Variants in LHFPL3 observed in about 807,000 individuals in gnomAD.
LHFPL3 encodes the protein LHFPL tetraspan subfamily member 3 protein.
Under a neutral mutation model 19.3 loss-of-function variants are expected in LHFPL3, and 5 were observed. The ratio of observed to expected loss-of-function variants is 0.26; its 90% CI spans 0.14 to 0.54. The LOEUF is 0.54. Ranked by LOEUF, LHFPL3 falls within the 20% of genes least tolerant of loss-of-function variation. The probability of loss-of-function intolerance (pLI) is 0.94; values close to 1 mark genes in which losing one functional copy is unlikely to be tolerated. For synonymous variants in LHFPL3, 133 were observed against 126.2 expected, an observed-to-expected ratio of 1.05 and a Z score of -0.36; for missense variants, 249 against 307.4, an observed-to-expected ratio of 0.81 and a Z score of 1.42.
At chr7:104,462,161 C>T (rs1051863365) in intron 1 of LHFPL3, among the ~76,000 whole-genome samples, 1 of 152,242 alleles carries the variant, frequency 6.6e-6, no homozygotes, top group South Asian at 2.1e-4. Context: ...ATGGGGTTTT[C>T]TACATATAGA....
intron 1 of LHFPL3, among the ~76,000 whole-genome samples, chr7:104,490,733 T>C (rs1373515368): frequency 1.3e-5 from 2 of 152,200 alleles, no homozygotes; most frequent in African/African-American, 4.8e-5. Context: ...ATTTTAACTA[T>C]CTTGCCAAAA....
Position 104,468,200 on chromosome 7 carries a change from C to G in LHFPL3, c.445+138976C>G, listed in dbSNP as rs1410384765. On this transcript the variant is annotated intron_variant, in intron 1 of 2. Coordinates refer to ENST00000424859, the MANE Select transcript of LHFPL3 (RefSeq NM_199000.3). ...TCCTCTACCTCAACTGGCTTGTACC[C>G]TTGAAGCTGGTGACTGGACACTGGA... Among the ~76,000 whole-genome samples the G allele has an allele frequency of 3.3e-5, 5 of 152,328 alleles. No homozygotes were observed. In the South Asian group the frequency reaches 6.2e-4, roughly 19 times the overall value.
At chr7:104,363,909 T>C (rs181816246) in intron 1 of LHFPL3, among the ~76,000 whole-genome samples, 31 of 152,364 alleles carry the variant, frequency 2.0e-4, no homozygotes, top group Non-Finnish European at 3.7e-4. Flanking sequence ...CCTCCTTGTC[T>C]TGTTAACAGG....
chr7:104,398,356 C>T (rs973837997), intron 1 of LHFPL3, among the ~76,000 whole-genome samples: 10 of 152,192 alleles, frequency 6.6e-5, no homozygotes, highest in Admixed American at 2.6e-4. Context: ...AATGAGGAAA[C>T]ACAGAATATC....
chr7:104,772,174 T>C (rs1794564899), intron 2 of LHFPL3, among the ~76,000 whole-genome samples: 1 of 152,180 alleles, frequency 6.6e-6, no homozygotes, highest in South Asian at 2.1e-4. Context: ...TTGAGCCTAT[T>C]AATAACTGCT....
chr7:104,902,842 A>G, intron 2 of LHFPL3, among the ~76,000 whole-genome samples: 1 of 152,190 alleles, frequency 6.6e-6, no homozygotes, highest in Non-Finnish European at 1.5e-5. Context: ...ATTTGGCCAT[A>G]TGAAGGCCAC....
In LHFPL3 at chr7:104,825,054, A is replaced by T. The variant is rs1440036125; in HGVS notation, c.683-81133A>T. 2.0e-5 allele frequency among the ~76,000 whole-genome samples: 3 copies of T among 150,688 alleles called. No homozygotes were observed. The East Asian group carries it at 5.8e-4, about 29-fold the overall frequency. ...TAGATTATCCATTTCCAACAGACAT[A>T]TATGAATGAGTAAGTGACAGGGGAG... On this transcript the variant is annotated intron_variant, in intron 2 of 2. Transcript: ENST00000424859.
intron 2 of LHFPL3, among the ~76,000 whole-genome samples, chr7:104,779,052 G>A (rs1252133565): frequency 6.6e-6 from 1 of 152,134 alleles, no homozygotes. Context: ...ATTATCACAT[G>A]TATTATAATC....
intron 1 of LHFPL3, among the ~76,000 whole-genome samples, chr7:104,411,643 A>T (rs962721826): frequency 1.3e-5 from 2 of 152,178 alleles, no homozygotes; most frequent in Non-Finnish European, 2.9e-5. Flanking sequence ...GCTCTTTTCA[A>T]CCTCGTTAGT....
At chr7:104,512,762 GAGAA>G (rs1162674843) in intron 1 of LHFPL3, among the ~76,000 whole-genome samples, 1 of 150,818 alleles carries the variant, frequency 6.6e-6, no homozygotes, top group African/African-American at 2.4e-5. Flanking sequence ...GAGAGAGAGA[GAGAA>G]AGAAAGTAGG....
At chr7:104,793,904 GT>G (rs1403945846) in intron 2 of LHFPL3, among the ~76,000 whole-genome samples, 2 of 152,120 alleles carry the variant, frequency 1.3e-5, no homozygotes, top group Non-Finnish European at 2.9e-5. Context: ...TTAATATAAC[GT>G]TTAAACACAA....
At chr7:104,609,274 A>C (rs982334788) in intron 1 of LHFPL3, among the ~76,000 whole-genome samples, 3 of 152,054 alleles carry the variant, frequency 2.0e-5, no homozygotes, top group Non-Finnish European at 4.4e-5. Flanking sequence ...AAAAAAAAAG[A>C]AAAGAAAAAA....
intron 1 of LHFPL3, among the ~76,000 whole-genome samples, chr7:104,682,387 C>T (rs1460910870): frequency 6.6e-6 from 1 of 152,178 alleles, no homozygotes; most frequent in Non-Finnish European, 1.5e-5. Flanking sequence ...GAACCGGAAT[C>T]TGCATTTTAA....
intron 1 of LHFPL3, among the ~76,000 whole-genome samples, chr7:104,430,419 CATATATATATATATATATATATATAT>C (rs1457442187): frequency 6.8e-5 from 1 of 14,668 alleles, no homozygotes; most frequent in South Asian, 3.6e-3. Context: ...TATATATATA[CATATATATATATATATATATATATAT>C]ATATATATAT....
chr7:104,907,604 A>G lies in LHFPL3; in HGVS notation c.*1389A>G, dbSNP rs1471713189. ...ATGAACACAAGCTAAAATACATGCAAGGGTACTTAATGGAAGCCAAACCAT... is the reference window on the plus strand; with the variant it reads ...ATGAACACAAGCTAAAATACATGCAGGGGTACTTAATGGAAGCCAAACCAT... On this transcript the variant is annotated 3_prime_UTR_variant, in exon 3 of 3. Coordinates refer to ENST00000424859, the MANE Select transcript of LHFPL3 (RefSeq NM_199000.3). Among the ~76,000 whole-genome samples the G allele has an allele frequency of 6.6e-6, 1 of 152,228 alleles. No homozygotes were observed. The highest frequency in any genetic ancestry group is 1.5e-5 in the Non-Finnish European group (1 of 68,028).
chr7:104,617,230 C>T (rs1362240942), intron 1 of LHFPL3, among the ~76,000 whole-genome samples: 2 of 151,946 alleles, frequency 1.3e-5, no homozygotes, highest in Non-Finnish European at 2.9e-5. Context: ...GATTATGAAT[C>T]GAATATGAAG....
intron 2 of LHFPL3, among the ~76,000 whole-genome samples, chr7:104,764,310 A>G (rs979914309): frequency 1.3e-5 from 2 of 152,182 alleles, no homozygotes; most frequent in African/African-American, 4.8e-5. Flanking sequence ...CTGGGATTAC[A>G]GGCTCCCGCC....
intron 1 of LHFPL3, among the ~76,000 whole-genome samples, chr7:104,718,521 T>C (rs904803916): frequency 2.0e-5 from 3 of 152,172 alleles, no homozygotes; most frequent in African/African-American, 7.2e-5. Flanking sequence ...CCTTGTCTAA[T>C]TTCAGCCTAT....
intron 1 of LHFPL3, among the ~76,000 whole-genome samples, chr7:104,567,267 C>G (rs1790141103): frequency 6.6e-6 from 1 of 152,288 alleles, no homozygotes; most frequent in Admixed American, 6.5e-5. Flanking sequence ...CAAAAGAACA[C>G]ATGTGCCATG....
Sources: gnomAD v4.1 joint callset for allele counts (sites outside exome capture counted in the v4.1 genomes callset) on GRCh38, gnomAD v4.1.1 for gene constraint, MANE v1.5 for transcripts, NCBI Gene and HGNC (gene_info 2026-07-23, HGNC 2026-07-21) for gene names.